The following ILRUN variants were observed in gnomAD, a reference collection of about 807,000 sequenced individuals.
ILRUN encodes the protein protein ILRUN.
Under a neutral mutation model 33.8 loss-of-function variants are expected in ILRUN, and 3 were observed. The observed-to-expected ratio is 0.09, with a 90% CI of 0.04 to 0.23. The LOEUF (loss-of-function observed/expected upper bound fraction) is 0.23, where lower values mean the gene tolerates loss of function less well. Among genes scored for constraint, ILRUN ranks in the 10% least tolerant of loss-of-function variants. ILRUN has a pLI of 1.00. For missense variants in ILRUN, 210 were observed against 375.1 expected (o/e 0.56, Z 3.64); for synonymous variants, 124 against 138.9 (o/e 0.89, Z 0.75).
In ILRUN at chr6:34,654,756, G is replaced by A; in HGVS notation, c.182C>T (p.Ala61Val). The A allele has an allele frequency of 6.2e-7, 1 of 1,613,540 alleles. No individual in the cohort carries two copies. The highest frequency in any genetic ancestry group is 8.5e-7 in the Non-Finnish European group (1 of 1,179,820). The change falls in exon 2 of 5, where the codon GCC becomes GTC. Residue 61 changes from alanine to valine, a missense_variant. Ala to Val is a moderately conservative substitution (Grantham distance 64). This residue lies in a region of ILRUN where 61 missense variants were observed against 94.4 expected (regional missense o/e 0.65). Coordinates refer to ENST00000374023, the MANE Select transcript of ILRUN (RefSeq NM_024294.4). Reference protein sequence around the residue: ...TNWNLQAAIGAYYDFESPNIS... With the variant: ...TNWNLQAAIGVYYDFESPNIS... ...GTTTGGGCTCTCAAAGTCATAATAG[G>A]CGCCAATTGCTGCTTGTAGGTTCCT...
intron 3 of ILRUN, among the ~76,000 whole-genome samples, chr6:34,626,391 G>T (rs576168146): frequency 2.6e-4 from 40 of 151,834 alleles, no homozygotes; most frequent in Non-Finnish European, 4.4e-4. Flanking sequence ...GCCCAGGCTG[G>T]TCTCAAACTC....
rs767269048 is a variant in ILRUN, at chr6:34,646,619, T to C, written c.493A>G (p.Thr165Ala). The C allele has an allele frequency of 1.8e-5, 29 of 1,613,968 alleles. No individual in the cohort carries two copies. In the Admixed American group the frequency reaches 4.7e-4, roughly 26 times the overall value. Residue 165 changes from threonine (T) to alanine (A), a missense_variant, in exon 3 of 5, where the codon ACA (threonine) becomes GCA (alanine). Thr to Ala is a moderately conservative substitution (Grantham distance 58). Coordinates refer to ENST00000374023, the MANE Select transcript of ILRUN (RefSeq NM_024294.4). The surrounding 1 kb of genome is among the most constrained non-coding windows in gnomAD (Gnocchi z 4.9). The part of the protein sequence containing the change: ...YQGQWRMCTA[T>A]GLYYGDVIWV... Reference sequence around the variant, plus strand: ...TACTCACCTCCATAGTAGAGTCCTGTAGCAGTGCACATCCGCCACTGTCCC... The same window carrying C: ...TACTCACCTCCATAGTAGAGTCCTGCAGCAGTGCACATCCGCCACTGTCCC...
At chr6:34,607,015 T>C (rs1761647844) in intron 3 of ILRUN, 111 bp from the exon 4 acceptor site, 3 of 790,514 alleles carry the variant, frequency 3.8e-6, no homozygotes, top group Non-Finnish European at 6.0e-6. Flanking sequence ...AACATTCTTC[T>C]ATATGCTAGT....
At chr6:34,614,853 C>A (rs140642156) in intron 3 of ILRUN, among the ~76,000 whole-genome samples, 60 of 152,208 alleles carry the variant, frequency 3.9e-4, no homozygotes, top group African/African-American at 1.3e-3. Flanking sequence ...TTTCTAAACC[C>A]CGTAACATCA....
intron 1 of ILRUN, among the ~76,000 whole-genome samples, chr6:34,670,445 A>G (rs1763094025): frequency 6.6e-6 from 1 of 152,214 alleles, no homozygotes. Context: ...TACTTAAAAG[A>G]TAAAGCAAAT....
intron 3 of ILRUN, among the ~76,000 whole-genome samples, chr6:34,634,403 G>A (rs1354452719): frequency 2.0e-5 from 3 of 152,054 alleles, no homozygotes; most frequent in Non-Finnish European, 1.5e-5. Flanking sequence ...AGGTCTCAAA[G>A]CAATAATCTC....
chr6:34,647,828 G>C (rs1484738944), intron 2 of ILRUN, among the ~76,000 whole-genome samples: 1 of 152,170 alleles, frequency 6.6e-6, no homozygotes, highest in Non-Finnish European at 1.5e-5. Flanking sequence ...CTCCCAAAGT[G>C]CTGGGATTAC....
intron 1 of ILRUN, among the ~76,000 whole-genome samples, chr6:34,659,503 T>C (rs1387882262): frequency 6.6e-6 from 1 of 152,158 alleles, no homozygotes; most frequent in Non-Finnish European, 1.5e-5. Context: ...CCATTATGAA[T>C]TCTATAAATG....
chr6:34,599,096 T>C (rs900181591), intron 4 of ILRUN, among the ~76,000 whole-genome samples: 1 of 152,220 alleles, frequency 6.6e-6, no homozygotes, highest in African/African-American at 2.4e-5. Context: ...CAAACTTCAC[T>C]TGCCAGCAAC....
chr6:34,677,680 G>A (rs1036919167), intron 1 of ILRUN, among the ~76,000 whole-genome samples: 5 of 152,066 alleles, frequency 3.3e-5, no homozygotes, highest in Admixed American at 6.6e-5. Context: ...CGGTCACCAC[G>A]GCTCATGCCT....
At chr6:34,609,319 G>A (rs1322830403) in intron 3 of ILRUN, among the ~76,000 whole-genome samples, 2 of 152,078 alleles carry the variant, frequency 1.3e-5, no homozygotes, top group African/African-American at 4.8e-5. Context: ...CAAAAACCCT[G>A]TCTCTACTAA....
At chr6:34,668,841 ATT>A (rs34742011) in intron 1 of ILRUN, among the ~76,000 whole-genome samples, 27 of 132,478 alleles carry the variant, frequency 2.0e-4, no homozygotes, top group Non-Finnish European at 1.8e-4. Flanking sequence ...TGCCTGGCTA[ATT>A]TTTTTTTTTT....
intron 4 of ILRUN, among the ~76,000 whole-genome samples, chr6:34,599,805 T>C (rs145282730): frequency 1.4e-4 from 22 of 152,342 alleles, no homozygotes; most frequent in African/African-American, 5.1e-4. Context: ...ATATCCAAAA[T>C]GGAACCCTGT....
intron 1 of ILRUN, chr6:34,671,997 T>C (rs1763126025): frequency 1.3e-5 from 2 of 152,248 alleles, no homozygotes; most frequent in African/African-American, 4.8e-5. Flanking sequence ...TCCCCTAATG[T>C]AGTCACAACA....
intron 3 of ILRUN, chr6:34,616,812 G>A: frequency 1.4e-6 from 1 of 697,590 alleles, no homozygotes; most frequent in South Asian, 1.5e-5. Context: ...GGTATCAATG[G>A]TGTGAACCCA....
At chr6:34,601,631 T>C (rs1347999122) in intron 4 of ILRUN, among the ~76,000 whole-genome samples, 2 of 151,974 alleles carry the variant, frequency 1.3e-5, no homozygotes, top group South Asian at 2.1e-4. Context: ...AAGTAGATAA[T>C]AGATCCACAA....
intron 1 of ILRUN, among the ~76,000 whole-genome samples, chr6:34,689,526 C>G (rs1420611873): frequency 3.3e-5 from 5 of 151,968 alleles, no homozygotes; most frequent in Admixed American, 1.3e-4. Flanking sequence ...CTTCCTAAAA[C>G]TACTATTTGA....
intron 4 of ILRUN, 130 bp downstream of exon 4, chr6:34,606,425 C>T (rs929549489): frequency 4.5e-6 from 3 of 659,714 alleles, no homozygotes; most frequent in Non-Finnish European, 7.7e-6. Flanking sequence ...TTGCTATTGG[C>T]AGGAGAGCTG....
At chr6:34,625,645 A>G (rs149265039) in intron 3 of ILRUN, among the ~76,000 whole-genome samples, 90 of 152,310 alleles carry the variant, frequency 5.9e-4, no homozygotes, top group African/African-American at 2.0e-3. Context: ...TGTACTAGTC[A>G]TGCTTAACCA....
Sources: allele counts gnomAD v4.1 joint callset (sites outside exome capture counted in the v4.1 genomes callset), GRCh38; gene constraint gnomAD v4.1.1; regional missense constraint gnomAD v4.1.1; non-coding constraint Gnocchi (gnomAD v3.1); transcripts MANE v1.5; gene names NCBI Gene and HGNC (gene_info 2026-07-23, HGNC 2026-07-21).